The following PCDHGA4 variants were observed in gnomAD, a reference collection of about 807,000 sequenced individuals.
The protein encoded by PCDHGA4 is protocadherin gamma subfamily A, 4.
In PCDHGA4, 38 loss-of-function variants were observed where a neutral mutation model predicts 54.6. That is an observed-to-expected ratio of 0.70 (90% CI 0.54 to 0.91). The LOEUF is 0.91. Among genes scored for constraint, PCDHGA4 ranks in the 40% least tolerant of loss-of-function variants. The probability of loss-of-function intolerance (pLI) is 0.00; values close to 1 mark genes in which losing one functional copy is unlikely to be tolerated. For synonymous variants in PCDHGA4, 511 were observed against 512.9 expected, an observed-to-expected ratio of 1.00 and a Z score of 0.05; for missense variants, 1,298 against 1,220.9, an observed-to-expected ratio of 1.06 and a Z score of -0.94.
intron 1 of PCDHGA4, chr5:141,375,931 T>G (rs746995876): frequency 2.5e-6 from 4 of 1,613,540 alleles, no homozygotes; most frequent in Non-Finnish European, 3.4e-6. Context: ...AGCCAGGACT[T>G]TTCTCAGTGG....
At chr5:141,383,846 A>C (rs745543311) in intron 1 of PCDHGA4, 1 of 1,613,960 alleles carries the variant, frequency 6.2e-7, no homozygotes, top group Admixed American at 1.7e-5. Context: ...GCCTTCTATG[A>C]AATGGAGGTT....
chr5:141,452,791 C>T (rs1202677389), intron 1 of PCDHGA4, among the ~76,000 whole-genome samples: 2 of 152,156 alleles, frequency 1.3e-5, no homozygotes, highest in Non-Finnish European at 2.9e-5. Context: ...AACATACCAT[C>T]ATTTTTGCTG....
intron 1 of PCDHGA4, among the ~76,000 whole-genome samples, chr5:141,381,820 C>CTTTCTTTCTTTCT (rs1279410534): frequency 1.7e-3 from 198 of 119,790 alleles, no homozygotes; most frequent in African/African-American, 6.6e-3. Context: ...TTCTTTCTTT[C>CTTTCTTTCTTTCT]TTCTTCTTTT....
rs982627903 is a variant in PCDHGA4, at chr5:141,421,421, T to C, written c.2514+63800T>C. ...CCCCGGGAGCTGGCGAAGCGCGGAGTCCGCATCGTCTCCAGAGGGAAGACA... is the reference window on the plus strand; with the variant it reads ...CCCCGGGAGCTGGCGAAGCGCGGAGCCCGCATCGTCTCCAGAGGGAAGACA... On this transcript the variant is annotated intron_variant, in intron 1 of 3. Coordinates refer to ENST00000571252, the MANE Select transcript of PCDHGA4 (RefSeq NM_018917.4). The C allele has an allele frequency of 6.2e-7, 1 of 1,613,994 alleles. No individual in the cohort carries two copies. The highest frequency in any genetic ancestry group is 1.3e-5 in the African/African-American group (1 of 75,052).
chr5:141,400,209 G>T (rs371270054), intron 1 of PCDHGA4: 8 of 1,613,934 alleles, frequency 5.0e-6, no homozygotes, highest in African/African-American at 2.7e-5. Flanking sequence ...CCTTGGCCTT[G>T]ATCTCAGTGC....
intron 1 of PCDHGA4, chr5:141,362,013 G>T (rs781020540): frequency 6.2e-7 from 1 of 1,606,178 alleles, no homozygotes; most frequent in South Asian, 1.1e-5. Context: ...CGGGTGAGGT[G>T]CGCACAGCGC....
intron 1 of PCDHGA4, chr5:141,398,411 T>C (rs1346480691): frequency 6.8e-7 from 1 of 1,478,640 alleles, no homozygotes; most frequent in South Asian, 1.1e-5. Context: ...AGGGAGGAGA[T>C]ATGCGGGAAG....
chr5:141,473,263 T>C (rs2099318134), intron 1 of PCDHGA4, among the ~76,000 whole-genome samples: 1 of 152,210 alleles, frequency 6.6e-6, no homozygotes, highest in African/African-American at 2.4e-5. Context: ...GTCCTTAGTG[T>C]ATGCTATGAT....
At chr5:141,409,013 G>T in intron 1 of PCDHGA4, 1 of 1,613,998 alleles carries the variant, frequency 6.2e-7, no homozygotes. Flanking sequence ...TGACCAGGAT[G>T]AGGGGGTCAA....
chr5:141,411,258 A>G (rs1415319110), intron 1 of PCDHGA4: 1 of 152,200 alleles, frequency 6.6e-6, no homozygotes, highest in African/African-American at 2.4e-5. Flanking sequence ...TATCTTATTT[A>G]TATATTTTTA....
rs754536860 is a variant in PCDHGA4, at chr5:141,432,221, A to G, written c.2515-62586A>G. The G allele has an allele frequency of 2.5e-6, 4 of 1,614,190 alleles. No homozygotes were observed. The South Asian group carries it at 4.4e-5, about 18-fold the overall frequency. ...CGACTGTGAAGAGAACGCCCAGATC[A>G]CTTATTCCCTGGCTGAGAACACCAT... On this transcript the variant is annotated intron_variant, in intron 1 of 3. Coordinates refer to ENST00000571252, the MANE Select transcript of PCDHGA4 (RefSeq NM_018917.4). The surrounding 1 kb of genome is among the most constrained non-coding windows in gnomAD (Gnocchi z 6.0).
intron 1 of PCDHGA4, chr5:141,384,771 C>A (rs568102289): frequency 1.2e-6 from 2 of 1,613,878 alleles, no homozygotes; most frequent in Non-Finnish European, 1.7e-6. Flanking sequence ...TGTACACGGG[C>A]GAGGTGCGCA....
chr5:141,360,426 G>C, intron 1 of PCDHGA4: 2 of 1,614,000 alleles, frequency 1.2e-6, no homozygotes, highest in Non-Finnish European at 1.7e-6. Context: ...AGATATGCGG[G>C]AAGCAGCCTC....
intron 1 of PCDHGA4, among the ~76,000 whole-genome samples, chr5:141,451,717 A>G (rs2098722445): frequency 6.6e-6 from 1 of 152,166 alleles, no homozygotes; most frequent in Non-Finnish European, 1.5e-5. Context: ...CCCTGCCTCT[A>G]CTAAAAATAC....
intron 1 of PCDHGA4, chr5:141,375,742 G>A: frequency 6.2e-7 from 1 of 1,614,216 alleles, no homozygotes; most frequent in Non-Finnish European, 8.5e-7. Context: ...TGTTTGTGCT[G>A]GACCAGAATG....
At chr5:141,398,729 A>T in intron 1 of PCDHGA4, 1 of 1,613,820 alleles carries the variant, frequency 6.2e-7, no homozygotes, top group Non-Finnish European at 8.5e-7. Flanking sequence ...AAAACCTTAG[A>T]CCGGGAACAA....
chr5:141,394,076 A>C (rs1329419086), intron 1 of PCDHGA4: 1 of 1,613,896 alleles, frequency 6.2e-7, no homozygotes, highest in Admixed American at 1.7e-5. Flanking sequence ...ACAATATCAC[A>C]GTGATGGCCT....
At chr5:141,404,807 G>A (rs1226563047) in intron 1 of PCDHGA4, 1 of 1,613,924 alleles carries the variant, frequency 6.2e-7, no homozygotes, top group Non-Finnish European at 8.5e-7. Flanking sequence ...GCTCTTCTCG[G>A]TGGGGCTGCA....
Position 141,356,667 on chromosome 5 carries a change from C to CGG in PCDHGA4, c.1560_1561insGG (p.Ser521GlyfsTer43). 1 of 1,614,038 alleles carries CGG rather than the reference C, an allele frequency of 6.2e-7. No homozygotes were observed. Among genetic ancestry groups the CGG allele is most frequent in the Non-Finnish European group, 8.5e-7 (1 of 1,179,922 alleles). ...GTGGTGACAATGCCCGAATCACTTA[C>CGG]TCCCTGGCCGAAGACACCTTCCAGG... On this transcript the variant is annotated frameshift_variant, in exon 1 of 4. Coordinates refer to ENST00000571252, the MANE Select transcript of PCDHGA4 (RefSeq NM_018917.4). LOFTEE classifies it high-confidence loss of function.
Sources: allele counts gnomAD v4.1 joint callset (sites outside exome capture counted in the v4.1 genomes callset), GRCh38; gene constraint gnomAD v4.1.1; non-coding constraint Gnocchi (gnomAD v3.1); transcripts MANE v1.5; gene names NCBI Gene and HGNC (gene_info 2026-07-23, HGNC 2026-07-21).